Variants in OXR1 observed in about 807,000 individuals in gnomAD.
OXR1 encodes oxidation resistance 1.
Under a neutral mutation model 104.6 loss-of-function variants are expected in OXR1, and 41 were observed. The observed-to-expected ratio is 0.39, with a 90% CI of 0.31 to 0.51. The LOEUF is 0.51. OXR1 is among the 20% of genes least tolerant of loss of function. OXR1 has a pLI of 0.77. For missense variants in OXR1, 955 were observed against 1,031.9 expected, an observed-to-expected ratio of 0.93 and a Z score of 1.02; for synonymous variants, 348 against 348.4, an observed-to-expected ratio of 1.00 and a Z score of 0.01.
chr8:106,405,176 A>AG (rs1563757897), intron 2 of OXR1, among the ~76,000 whole-genome samples: 194 of 32,086 alleles, frequency 6.0e-3, no homozygotes, highest in African/African-American at 0.018. Context: ...ATATATATAT[A>AG]TATATATATA....
At chr8:106,524,775 G>T (rs916824023) in intron 3 of OXR1, among the ~76,000 whole-genome samples, 1 of 152,182 alleles carries the variant, frequency 6.6e-6, no homozygotes, top group Non-Finnish European at 1.5e-5. Context: ...GGGAGAGAGG[G>T]TGGTGTGTAA....
At chr8:106,458,236 T>G (rs1021474718) in intron 2 of OXR1, among the ~76,000 whole-genome samples, 4 of 152,102 alleles carry the variant, frequency 2.6e-5, no homozygotes, top group Non-Finnish European at 4.4e-5. Flanking sequence ...GAGGTTCCCT[T>G]AAAAGCTCAA....
rs190606135 is a variant in OXR1 at position 106,702,824 on chromosome 8, G to T, written c.676-82G>T. The T allele has an allele frequency of 3.2e-3, 3,410 of 1,080,014 alleles. 12 individuals carry two copies. The highest frequency in any genetic ancestry group is 4.3e-3 in the Non-Finnish European group (3,207 of 753,314). 66.9% of individuals were successfully genotyped at this position (1,080,014 alleles called of 1,614,324 possible). On this transcript the variant is annotated intron_variant, in intron 7 of 16. Transcript: ENST00000517566. ...TATTTTTATATATGGCCTAACATCA[G>T]AAGAAAATTAGTAAAAATAGCTAGA...
At chr8:106,694,825 A>G (rs1482504563) in intron 7 of OXR1, among the ~76,000 whole-genome samples, 2 of 126,078 alleles carry the variant, frequency 1.6e-5, no homozygotes, top group Non-Finnish European at 3.2e-5. Flanking sequence ...AGATAAATAC[A>G]TTTATATATA....
chr8:106,745,900 G>T, intron 16 of OXR1, 38 bp downstream of exon 16: 1 of 1,144,040 alleles, frequency 8.7e-7, no homozygotes, highest in Non-Finnish European at 1.3e-6. Context: ...GATTTTTGAA[G>T]AACTTTAAAA....
chr8:106,434,903 G>C (rs1013849288), intron 2 of OXR1, among the ~76,000 whole-genome samples: 1 of 152,098 alleles, frequency 6.6e-6, no homozygotes, highest in East Asian at 1.9e-4. Flanking sequence ...GTGGAGGATA[G>C]AGATAATAAT....
At chr8:106,674,006 A>G (rs1406416598) in intron 3 of OXR1, among the ~76,000 whole-genome samples, 1 of 152,238 alleles carries the variant, frequency 6.6e-6, no homozygotes, top group Non-Finnish European at 1.5e-5. Flanking sequence ...TGCAGAAGTG[A>G]AATGTGGGGT....
chr8:106,530,851 G>T (rs1244510296), intron 3 of OXR1, among the ~76,000 whole-genome samples: 1 of 152,064 alleles, frequency 6.6e-6, no homozygotes, highest in East Asian at 1.9e-4. Flanking sequence ...ATCTATGTGG[G>T]TTTATAACTG....
chr8:106,417,095 A>AT (rs1444890353), intron 2 of OXR1, among the ~76,000 whole-genome samples: 1 of 151,914 alleles, frequency 6.6e-6, no homozygotes, highest in Non-Finnish European at 1.5e-5. Context: ...TAAATTTTTT[A>AT]ATGTATTATG....
chr8:106,711,524 C>G (rs1394083462), intron 10 of OXR1, among the ~76,000 whole-genome samples: 1 of 152,114 alleles, frequency 6.6e-6, no homozygotes, highest in African/African-American at 2.4e-5. Flanking sequence ...ATACTTAACA[C>G]ATTTACATAT....
intron 1 of OXR1, among the ~76,000 whole-genome samples, chr8:106,322,400 AAAC>A (rs566693033): frequency 3.9e-5 from 6 of 152,218 alleles, no homozygotes; most frequent in Non-Finnish European, 8.8e-5. Flanking sequence ...ACATACTTCA[AAAC>A]AACAAGAGCC....
At chr8:106,425,406 C>T (rs772500013) in intron 2 of OXR1, among the ~76,000 whole-genome samples, 2 of 151,974 alleles carry the variant, frequency 1.3e-5, no homozygotes, top group Non-Finnish European at 2.9e-5. Flanking sequence ...TTTAATATTA[C>T]CTTTTATTTC....
intron 6 of OXR1, among the ~76,000 whole-genome samples, chr8:106,686,640 ATTG>A (rs1165065331): frequency 2.0e-5 from 3 of 152,130 alleles, no homozygotes; most frequent in Non-Finnish European, 2.9e-5. Context: ...GTCTATTAGT[ATTG>A]TTATTATATG....
chr8:106,595,258 G>C (rs1482886244), intron 3 of OXR1, among the ~76,000 whole-genome samples: 2 of 152,114 alleles, frequency 1.3e-5, no homozygotes, highest in African/African-American at 4.8e-5. Flanking sequence ...TTCTCCTTAA[G>C]AGTGTAGAAC....
At chr8:106,502,104 G>T (rs986005633) in intron 2 of OXR1, among the ~76,000 whole-genome samples, 6 of 152,176 alleles carry the variant, frequency 3.9e-5, no homozygotes, top group African/African-American at 1.4e-4. Flanking sequence ...TGTGCTTTGG[G>T]AAATCAATTT....
chr8:106,627,013 G>A (rs138014846), intron 3 of OXR1, among the ~76,000 whole-genome samples: 1 of 151,826 alleles, frequency 6.6e-6, no homozygotes, highest in Non-Finnish European at 1.5e-5. Context: ...TTAACCTCTC[G>A]TGTCTACAAC....
chr8:106,347,480 A>G (rs1423475643), intron 1 of OXR1, among the ~76,000 whole-genome samples: 3 of 152,208 alleles, frequency 2.0e-5, no homozygotes, highest in African/African-American at 7.2e-5. Flanking sequence ...AACAGAGGAA[A>G]TATCAATAAC....
At chr8:106,742,917 G>A (rs190775338) in intron 15 of OXR1, among the ~76,000 whole-genome samples, 119 of 152,262 alleles carry the variant, frequency 7.8e-4, no homozygotes, top group Middle Eastern at 3.4e-3. Context: ...AATGCCAAAA[G>A]CAGTTGCAAC....
chr8:106,750,456 G>C (rs1835803247), intron 16 of OXR1, among the ~76,000 whole-genome samples: 1 of 151,706 alleles, frequency 6.6e-6, no homozygotes, highest in Non-Finnish European at 1.5e-5. Context: ...CTCCCGAGTA[G>C]CTGGGATTAC....
Sources: allele counts gnomAD v4.1 joint callset (sites outside exome capture counted in the v4.1 genomes callset), GRCh38; gene constraint gnomAD v4.1.1; transcripts MANE v1.5; gene names NCBI Gene and HGNC (gene_info 2026-07-23, HGNC 2026-07-21).